Variants in LAMA2 observed in about 807,000 individuals in gnomAD.
The protein encoded by LAMA2 is laminin subunit alpha-2.
In LAMA2, 269 loss-of-function variants were observed where a neutral mutation model predicts 364.8. The observed-to-expected ratio is 0.74, with a 90% confidence interval of 0.67 to 0.82. The LOEUF is 0.82. Ranked by LOEUF, LAMA2 falls within the 40% of genes least tolerant of loss-of-function variation. The pLI is 0.00. For synonymous variants in LAMA2, 1,379 were observed against 1,370.6 expected, an observed-to-expected ratio of 1.01 and a Z score of -0.14; for missense variants, 3,807 against 3,873.2, an observed-to-expected ratio of 0.98 and a Z score of 0.45.
intron 10 of LAMA2, among the ~76,000 whole-genome samples, chr6:129,181,431 A>C: frequency 6.6e-6 from 1 of 152,114 alleles, no homozygotes; most frequent in Non-Finnish European, 1.5e-5. Flanking sequence ...AAGCATGATT[A>C]GAAGATTGAA....
Position 129,354,596 on chromosome 6 carries a change from A to C in LAMA2, c.4717+1239A>C, listed in dbSNP as rs550634018. ...ACATAATTAACTAGATAATATATAG[A>C]TATTCTTAATGTAAACAGTCCTTGA... On this transcript the variant is annotated intron_variant, in intron 32 of 64. Transcript: ENST00000421865. 1.8e-4 allele frequency among the ~76,000 whole-genome samples: 27 copies of C among 152,272 alleles called. No individual in the cohort carries two copies. The South Asian group carries it at 5.0e-3, about 28-fold the overall frequency.
At chr6:128,975,580 G>C (rs1296223293) in intron 1 of LAMA2, among the ~76,000 whole-genome samples, 1 of 152,198 alleles carries the variant, frequency 6.6e-6, no homozygotes, top group African/African-American at 2.4e-5. Context: ...TTGAATTGCA[G>C]TTCCCACAAT....
intron 2 of LAMA2, among the ~76,000 whole-genome samples, chr6:129,056,604 C>T (rs951666449): frequency 6.6e-6 from 1 of 152,012 alleles, no homozygotes; most frequent in Non-Finnish European, 1.5e-5. Flanking sequence ...GACTATAATA[C>T]CATAAATAGC....
intron 3 of LAMA2, among the ~76,000 whole-genome samples, chr6:129,076,314 T>A (rs958928219): frequency 6.6e-6 from 1 of 150,892 alleles, no homozygotes; most frequent in African/African-American, 2.4e-5. Flanking sequence ...GAGGGAATCT[T>A]CAGCTATGGC....
intron 1 of LAMA2, among the ~76,000 whole-genome samples, chr6:128,917,514 A>ATTG (rs576283371): frequency 6.6e-6 from 1 of 152,042 alleles, no homozygotes; most frequent in African/African-American, 2.4e-5. Flanking sequence ...GGACTTACAT[A>ATTG]TTGTTACAGT....
chr6:129,288,371 A>G (rs1016899214), intron 19 of LAMA2, among the ~76,000 whole-genome samples: 1 of 152,156 alleles, frequency 6.6e-6, no homozygotes, highest in African/African-American at 2.4e-5. Flanking sequence ...TTTGCATATT[A>G]GATAGACACC....
chr6:129,121,454 A>G (rs1212187791), intron 4 of LAMA2, among the ~76,000 whole-genome samples: 1 of 152,016 alleles, frequency 6.6e-6, no homozygotes, highest in Non-Finnish European at 1.5e-5. Flanking sequence ...ATGGATTAGC[A>G]ACTTTGTATG....
intron 12 of LAMA2, among the ~76,000 whole-genome samples, chr6:129,202,172 A>T (rs2115053959): frequency 7.5e-6 from 1 of 133,118 alleles, no homozygotes; most frequent in South Asian, 2.6e-4. Flanking sequence ...TAAGCAACAG[A>T]GCGAGAGTCT....
chr6:129,325,465 C>G (rs912938282), intron 28 of LAMA2, among the ~76,000 whole-genome samples: 3 of 151,546 alleles, frequency 2.0e-5, no homozygotes, highest in East Asian at 3.9e-4. Context: ...TCAATATTGA[C>G]AAACACCCTA....
At chr6:129,172,172 G>C (rs1177729238) in intron 9 of LAMA2, among the ~76,000 whole-genome samples, 1 of 151,870 alleles carries the variant, frequency 6.6e-6, no homozygotes, top group African/African-American at 2.4e-5. Context: ...TCTTCTCTCA[G>C]CTCGTCAAAG....
chr6:129,066,010 C>T (rs1014439828), intron 3 of LAMA2, among the ~76,000 whole-genome samples: 68 of 135,154 alleles, frequency 5.0e-4, no homozygotes, highest in Middle Eastern at 4.1e-3. Context: ...AATTAAACCT[C>T]TTTCTTTTGT....
intron 29 of LAMA2, among the ~76,000 whole-genome samples, chr6:129,332,473 T>G (rs1266007491): frequency 6.6e-6 from 1 of 152,200 alleles, no homozygotes; most frequent in Non-Finnish European, 1.5e-5. Flanking sequence ...TACATATTCT[T>G]CCAGCTGACA....
intron 52 of LAMA2, 59 bp downstream of exon 52, chr6:129,473,411 CACT>C (rs1321383331): frequency 6.7e-7 from 1 of 1,496,152 alleles, no homozygotes; most frequent in Non-Finnish European, 9.3e-7. Flanking sequence ...CCACTATGCT[CACT>C]AGAGTTCTGA....
At position 129,183,652 on chromosome 6, in the gene LAMA2, T is replaced by C. The variant is rs191577355; in HGVS notation, c.1467+5786T>C. ...TCTTGGGATACCTCATTTCTAGCCC[T>C]ATTCCTTTGCTTAGCCAGGCATTTT... On this transcript the variant is annotated intron_variant, in intron 10 of 64. Coordinates refer to ENST00000421865, the MANE Select transcript of LAMA2 (RefSeq NM_000426.4). Among the ~76,000 whole-genome samples the C allele has an allele frequency of 2.1e-3, 316 of 152,122 alleles. 3 individuals are homozygous for C. Among genetic ancestry groups the C allele is most frequent in the Admixed American group, 0.02 (300 of 15,250 alleles).
chr6:129,320,692 C>A, intron 28 of LAMA2, 37 bp downstream of exon 28: 1 of 1,106,972 alleles, frequency 9.0e-7, no homozygotes, highest in Non-Finnish European at 1.4e-6. Flanking sequence ...AATCTCAAGT[C>A]ACTTCAGGAG....
chr6:129,321,788 T>C (rs1007507342), intron 28 of LAMA2, among the ~76,000 whole-genome samples: 2 of 152,200 alleles, frequency 1.3e-5, no homozygotes, highest in African/African-American at 4.8e-5. Flanking sequence ...GTATTAAGTA[T>C]GGTACATGAG....
intron 1 of LAMA2, among the ~76,000 whole-genome samples, chr6:129,014,934 A>AT (rs1784983440): frequency 6.6e-6 from 1 of 152,052 alleles, no homozygotes; most frequent in Non-Finnish European, 1.5e-5. Context: ...TATATCACGT[A>AT]TTATATTTTG....
intron 20 of LAMA2, 130 bp from the exon 21 acceptor site, chr6:129,297,555 A>G (rs979941973): frequency 7.4e-6 from 6 of 813,042 alleles, no homozygotes; most frequent in Admixed American, 4.1e-5. Flanking sequence ...CCCAATTGTC[A>G]TAACATCAGT....
At chr6:129,107,553 C>T (rs1175733974) in intron 4 of LAMA2, among the ~76,000 whole-genome samples, 2 of 152,034 alleles carry the variant, frequency 1.3e-5, no homozygotes, top group African/African-American at 4.8e-5. Context: ...GTGAGGGTCT[C>T]AGTGCTAATG....
Sources: gnomAD v4.1 joint callset for allele counts (sites outside exome capture counted in the v4.1 genomes callset) on GRCh38, gnomAD v4.1.1 for gene constraint, MANE v1.5 for transcripts, NCBI Gene and HGNC (gene_info 2026-07-23, HGNC 2026-07-21) for gene names.